Variants in SPIRE1 observed in about 807,000 individuals in gnomAD.
SPIRE1 encodes the protein spire type actin nucleation factor 1.
A neutral mutation model predicts 94.1 loss-of-function variants in SPIRE1; 40 were observed. The observed-to-expected ratio is 0.43, with a 90% CI of 0.33 to 0.55. The LOEUF is 0.55. SPIRE1 is among the 20% of genes least tolerant of loss of function. The pLI, the probability that SPIRE1 is intolerant of heterozygous loss-of-function variation, is 0.06. For synonymous variants in SPIRE1, 376 were observed against 371.7 expected (o/e 1.01, Z -0.13); for missense variants, 838 against 975.2 (o/e 0.86, Z 1.87).
At chr18:12,525,786 T>C (rs1044914433) in intron 4 of SPIRE1, among the ~76,000 whole-genome samples, 4 of 152,142 alleles carry the variant, frequency 2.6e-5, no homozygotes, top group African/African-American at 9.7e-5. Context: ...GTTCTATTTC[T>C]TGAAACCTGA....
intron 10 of SPIRE1, among the ~76,000 whole-genome samples, chr18:12,465,700 C>A (rs1354637107): frequency 1.3e-5 from 2 of 152,128 alleles, no homozygotes; most frequent in Non-Finnish European, 2.9e-5. Context: ...TGTCCAGTAC[C>A]AAACCCATCA....
At chr18:12,469,081 A>G (rs1190708074) in intron 10 of SPIRE1, among the ~76,000 whole-genome samples, 1 of 152,172 alleles carries the variant, frequency 6.6e-6, no homozygotes, top group Non-Finnish European at 1.5e-5. Flanking sequence ...AAAGTCTAAG[A>G]AAGTCTTTCC....
At chr18:12,451,065 T>G in intron 16 of SPIRE1, 1 of 397,046 alleles carries the variant, frequency 2.5e-6, no homozygotes, top group East Asian at 5.0e-5. Flanking sequence ...TAAGAGACTG[T>G]CCATTTGAAA....
intron 8 of SPIRE1, among the ~76,000 whole-genome samples, chr18:12,486,247 A>C (rs2033035317): frequency 1.3e-5 from 2 of 152,224 alleles, no homozygotes; most frequent in African/African-American, 4.8e-5. Flanking sequence ...TTAGAAAACA[A>C]GTAAAAAATG....
chr18:12,540,974 C>T (rs2034998049), intron 3 of SPIRE1, among the ~76,000 whole-genome samples: 2 of 152,210 alleles, frequency 1.3e-5, no homozygotes, highest in African/African-American at 4.8e-5. Flanking sequence ...GATCTACCTG[C>T]CTTGGCCTCC....
chr18:12,568,793 A>G (rs1376193639), intron 2 of SPIRE1, among the ~76,000 whole-genome samples: 2 of 152,210 alleles, frequency 1.3e-5, no homozygotes, highest in Admixed American at 1.3e-4. Context: ...ATTTCCTCTC[A>G]GACATATATG....
At chr18:12,621,980 A>G (rs1220734232) in intron 2 of SPIRE1, among the ~76,000 whole-genome samples, 1 of 152,170 alleles carries the variant, frequency 6.6e-6, no homozygotes, top group African/African-American at 2.4e-5. Flanking sequence ...ATACAGTAAA[A>G]TCTCCACCAA....
At chr18:12,631,563 A>AT (rs1276304562) in intron 2 of SPIRE1, among the ~76,000 whole-genome samples, 1 of 149,976 alleles carries the variant, frequency 6.7e-6, no homozygotes, top group East Asian at 1.9e-4. Context: ...AAAAAAAAAA[A>AT]AAAAAAAAAA....
At chr18:12,629,259 C>A (rs946085019) in intron 2 of SPIRE1, among the ~76,000 whole-genome samples, 3 of 152,060 alleles carry the variant, frequency 2.0e-5, no homozygotes, top group East Asian at 1.9e-4. Flanking sequence ...TGGAAAAAAA[C>A]CAATGTAAAA....
At chr18:12,493,618 G>A (rs906609780) in intron 7 of SPIRE1, among the ~76,000 whole-genome samples, 1 of 152,042 alleles carries the variant, frequency 6.6e-6, no homozygotes, top group African/African-American at 2.4e-5. Context: ...AGTTGGTCAG[G>A]CTGGTCTCGA....
chr18:12,514,030 T>C (rs2034119801), intron 4 of SPIRE1, among the ~76,000 whole-genome samples: 2 of 152,052 alleles, frequency 1.3e-5, no homozygotes, highest in South Asian at 2.1e-4. Flanking sequence ...TTTCTACAGA[T>C]AGGGTCTCAC....
At chr18:12,498,740 C>G (rs569669962) in intron 6 of SPIRE1, among the ~76,000 whole-genome samples, 11 of 152,288 alleles carry the variant, frequency 7.2e-5, no homozygotes, top group African/African-American at 2.6e-4. Flanking sequence ...GATCCCTCCA[C>G]CTCAGCCTCC....
chr18:12,582,433 T>C (rs1280753267), intron 2 of SPIRE1, among the ~76,000 whole-genome samples: 2 of 152,166 alleles, frequency 1.3e-5, no homozygotes, highest in Non-Finnish European at 2.9e-5. Flanking sequence ...AAAATAAAGC[T>C]AAACTGTGGT....
intron 2 of SPIRE1, among the ~76,000 whole-genome samples, chr18:12,579,924 T>C (rs917956446): frequency 3.3e-5 from 5 of 152,214 alleles, no homozygotes; most frequent in African/African-American, 1.2e-4. Context: ...TTAAACCACC[T>C]GTAACCAGCA....
intron 2 of SPIRE1, among the ~76,000 whole-genome samples, chr18:12,596,725 A>G (rs1170857136): frequency 6.6e-6 from 1 of 152,190 alleles, no homozygotes; most frequent in African/African-American, 2.4e-5. Context: ...TGTATATTAT[A>G]TATCAATTAT....
chr18:12,452,622 T>C (rs1045662213), intron 14 of SPIRE1, 110 bp from the exon 15 acceptor site: 7 of 1,036,076 alleles, frequency 6.8e-6, no homozygotes, highest in Non-Finnish European at 1.1e-5. Context: ...ACTGCATAAC[T>C]CTCCCTTCTT....
chr18:12,592,123 CTG>C (rs968777580), intron 2 of SPIRE1, among the ~76,000 whole-genome samples: 4 of 152,078 alleles, frequency 2.6e-5, no homozygotes, highest in South Asian at 2.1e-4. Flanking sequence ...AGATACCGAG[CTG>C]TAAGTCATCA....
chr18:12,460,549 C>T (rs1037713063), intron 12 of SPIRE1, among the ~76,000 whole-genome samples: 5 of 152,060 alleles, frequency 3.3e-5, no homozygotes, highest in African/African-American at 1.2e-4. Context: ...CCCGTCTCTC[C>T]TAAGTATACA....
At chr18:12,652,288 C>G (rs1330959480) in intron 1 of SPIRE1, among the ~76,000 whole-genome samples, 1 of 152,142 alleles carries the variant, frequency 6.6e-6, no homozygotes, top group Non-Finnish European at 1.5e-5. Context: ...ATACAAAGAG[C>G]CTGCGTGTCT....
Sources: gnomAD v4.1 joint callset for allele counts (sites outside exome capture counted in the v4.1 genomes callset) on GRCh38, gnomAD v4.1.1 for gene constraint, MANE v1.5 for transcripts, NCBI Gene and HGNC (gene_info 2026-07-23, HGNC 2026-07-21) for gene names.